The following PTCHD4 variants were observed in gnomAD, a reference collection of about 807,000 sequenced individuals.
PTCHD4 encodes the protein patched domain-containing protein 4.
Under a neutral mutation model 58.1 loss-of-function variants are expected in PTCHD4, and 33 were observed. The observed-to-expected ratio is 0.57, with a 90% CI of 0.43 to 0.76. The LOEUF is 0.76. Ranked by LOEUF, PTCHD4 falls within the 30% of genes least tolerant of loss-of-function variation. The pLI is 0.00. For synonymous variants in PTCHD4, 478 were observed against 409.6 expected (o/e 1.17, Z -2.02); for missense variants, 1,058 against 1,027.1 (o/e 1.03, Z -0.41).
At chr6:47,893,427 G>T (rs1479341057) in intron 4 of PTCHD4, among the ~76,000 whole-genome samples, 1 of 152,186 alleles carries the variant, frequency 6.6e-6, no homozygotes, top group Non-Finnish European at 1.5e-5. Context: ...CAGGCATTTT[G>T]GTCCCAGTTC....
At chr6:48,108,476 T>G (rs143115814) in intron 1 of PTCHD4, among the ~76,000 whole-genome samples, 23,953 of 151,732 alleles carry the variant, frequency 0.16, 2,401 homozygotes, top group Non-Finnish European at 0.22. Flanking sequence ...CGGGGAGGGA[T>G]AGCATTAGGA....
At chr6:47,926,441 A>G (rs1433997411) in intron 4 of PTCHD4, among the ~76,000 whole-genome samples, 1 of 152,212 alleles carries the variant, frequency 6.6e-6, no homozygotes, top group Admixed American at 6.5e-5. Context: ...AAAATACTTT[A>G]TGCATTGCTA....
At chr6:47,910,105 A>T (rs1301653620) in intron 4 of PTCHD4, among the ~76,000 whole-genome samples, 4 of 152,178 alleles carry the variant, frequency 2.6e-5, no homozygotes, top group African/African-American at 9.7e-5. Context: ...TCTTCACTGG[A>T]TGTGTAAAAC....
At position 47,870,944 on chromosome 6, in the gene PTCHD4, G is replaced by A. The variant is rs1763699052; in HGVS notation, c.*7359C>T. On this transcript the variant is annotated 3_prime_UTR_variant, in exon 5 of 5. Coordinates refer to ENST00000339488, the MANE Select transcript of PTCHD4 (RefSeq NM_001384253.1). ...AGTATTTTAGAAGGAATATTGTTAT[G>A]GGTAAAGACATCTGGAATTGATGGT... is the stretch of plus-strand genomic sequence containing the variant. Among the ~76,000 whole-genome samples the A allele has an allele frequency of 6.6e-6, 1 of 151,436 alleles. No homozygotes were observed. Among genetic ancestry groups the A allele is most frequent in the South Asian group, 2.1e-4 (1 of 4,816 alleles).
intron 3 of PTCHD4, among the ~76,000 whole-genome samples, chr6:48,016,212 C>T (rs557164010): frequency 2.0e-5 from 3 of 151,950 alleles, no homozygotes; most frequent in African/African-American, 4.8e-5. Flanking sequence ...CAAAAGCCAG[C>T]GTAAGATGCT....
At chr6:47,973,201 T>G (rs1194863888) in intron 4 of PTCHD4, among the ~76,000 whole-genome samples, 1 of 152,176 alleles carries the variant, frequency 6.6e-6, no homozygotes, top group Non-Finnish European at 1.5e-5. Flanking sequence ...TATAATTAAT[T>G]TTCTTGAACA....
At chr6:48,075,376 AT>A (rs1231834775) in intron 1 of PTCHD4, among the ~76,000 whole-genome samples, 1 of 150,942 alleles carries the variant, frequency 6.6e-6, no homozygotes, top group Non-Finnish European at 1.5e-5. Flanking sequence ...CAGAGGTAGT[AT>A]TTTTCTATGG....
At chr6:47,964,609 T>C (rs1486146144) in intron 4 of PTCHD4, among the ~76,000 whole-genome samples, 1 of 152,134 alleles carries the variant, frequency 6.6e-6, no homozygotes, top group African/African-American at 2.4e-5. Context: ...TAGAAAAAAG[T>C]GTAGGCTTAC....
chr6:48,046,428 T>C (rs1015813093), intron 3 of PTCHD4, among the ~76,000 whole-genome samples: 3 of 151,862 alleles, frequency 2.0e-5, no homozygotes, highest in South Asian at 2.1e-4. Context: ...GTGTCAGTTA[T>C]AGTCTCAGTA....
At chr6:47,883,238 A>T (rs1379305803) in intron 4 of PTCHD4, among the ~76,000 whole-genome samples, 2 of 152,106 alleles carry the variant, frequency 1.3e-5, no homozygotes, top group Non-Finnish European at 2.9e-5. Flanking sequence ...AGTCATTTTC[A>T]CTTAAGTAAT....
chr6:48,092,985 T>A (rs1267228765), intron 1 of PTCHD4, among the ~76,000 whole-genome samples: 1 of 152,210 alleles, frequency 6.6e-6, no homozygotes, highest in Non-Finnish European at 1.5e-5. Context: ...TTTTATTCTC[T>A]TTTACTATCT....
At chr6:47,909,618 T>G (rs1294216870) in intron 4 of PTCHD4, among the ~76,000 whole-genome samples, 1 of 152,126 alleles carries the variant, frequency 6.6e-6, no homozygotes, top group East Asian at 1.9e-4. Flanking sequence ...TTTATTTTTA[T>G]TTTTTGTAGA....
Position 48,008,773 on chromosome 6 carries a change from G to A in PTCHD4, c.759C>T (p.Asp253=). ...TTATLSSSMK[D]CLRSKPFLGL... ...CCAGGAAGGGCTTACTGCGCAAGCA[G>A]TCCTTCATGGAGCTGGAGAGGGTGG... The change falls in exon 4 of 5, where the codon GAC becomes GAT. Residue 253 remains aspartate, a synonymous_variant. Transcript: ENST00000339488. 1 of 1,613,984 alleles carries A rather than the reference G, an allele frequency of 6.2e-7. No individual in the cohort carries two copies. The highest frequency in any genetic ancestry group is 8.5e-7 in the Non-Finnish European group (1 of 1,179,904).
chr6:48,069,295 G>C lies in PTCHD4; in HGVS notation c.-338C>G, dbSNP rs775002985. Among the ~76,000 whole-genome samples the C allele has an allele frequency of 6.2e-4, 95 of 152,094 alleles. No individual in the cohort carries two copies. The highest frequency in any genetic ancestry group is 8.4e-4 in the Non-Finnish European group (57 of 68,006). On this transcript the variant is annotated 5_prime_UTR_variant, in exon 2 of 5. Coordinates refer to ENST00000339488, the MANE Select transcript of PTCHD4 (RefSeq NM_001384253.1). ...CTCCCCGCTGGAGTGAATTGAAGAG[G>C]AAATAAATGGTGAAGGTGCTGCTGG...
chr6:47,928,367 A>G (rs1003186844), intron 4 of PTCHD4, among the ~76,000 whole-genome samples: 7 of 152,226 alleles, frequency 4.6e-5, no homozygotes, highest in African/African-American at 1.7e-4. Flanking sequence ...TAGGAGATCT[A>G]AAAGAATACT....
At chr6:48,058,488 A>C (rs1460665531) in intron 3 of PTCHD4, among the ~76,000 whole-genome samples, 1 of 152,232 alleles carries the variant, frequency 6.6e-6, no homozygotes, top group Non-Finnish European at 1.5e-5. Flanking sequence ...CCATTGAAAA[A>C]GTTACAGATG....
rs752299544 is a variant in PTCHD4, at chr6:47,879,632, G to T, written c.1203C>A (p.Ile401=). Residue 401 remains isoleucine (I), a synonymous_variant, in exon 5 of 5, where the codon ATC becomes ATA. Transcript: ENST00000339488. ...CTGCAGAAGGGATCTTACAGCAAAA[G>T]ATGCTGTGGTAGCGGTTTTGCTCTA... The part of the protein sequence containing the change: ...GQLEQNRYHS[I]FCCKIPSAEY... The T allele has an allele frequency of 5.0e-6, 8 of 1,613,542 alleles. No individual in the cohort carries two copies. The East Asian group carries it at 1.6e-4, about 31-fold the overall frequency.
chr6:47,911,311 C>G (rs1054355081), intron 4 of PTCHD4, among the ~76,000 whole-genome samples: 2 of 152,102 alleles, frequency 1.3e-5, no homozygotes, highest in Non-Finnish European at 2.9e-5. Context: ...ATGTAAGCCA[C>G]TATGTAAACC....
chr6:47,916,665 A>T (rs1471635234), intron 4 of PTCHD4, among the ~76,000 whole-genome samples: 2 of 151,932 alleles, frequency 1.3e-5, no homozygotes, highest in Non-Finnish European at 2.9e-5. Context: ...ACACACACAC[A>T]AACACACACA....
Sources: gnomAD v4.1 joint callset for allele counts (sites outside exome capture counted in the v4.1 genomes callset) on GRCh38, gnomAD v4.1.1 for gene constraint, MANE v1.5 for transcripts, NCBI Gene and HGNC (gene_info 2026-07-23, HGNC 2026-07-21) for gene names.